The following BZW2 variants were observed in gnomAD, a reference collection of about 807,000 sequenced individuals.
BZW2 encodes eIF5-mimic protein 1.
BZW2 carries 23 observed loss-of-function variants against 53.2 expected under a neutral mutation model. The ratio of observed to expected loss-of-function variants is 0.43; its 90% confidence interval spans 0.31 to 0.61. The LOEUF (loss-of-function observed/expected upper bound fraction) is 0.61, where lower values mean the gene tolerates loss of function less well. Among genes scored for constraint, BZW2 ranks in the 20% least tolerant of loss-of-function variants. The pLI is 0.09. For missense variants in BZW2, 409 were observed against 503.1 expected, an observed-to-expected ratio of 0.81 and a Z score of 1.79; for synonymous variants, 227 against 186.4, an observed-to-expected ratio of 1.22 and a Z score of -1.77.
intron 3 of BZW2, among the ~76,000 whole-genome samples, chr7:16,678,290 C>G (rs1782829902): frequency 2.0e-5 from 3 of 151,900 alleles, no homozygotes; most frequent in Non-Finnish European, 4.4e-5. Flanking sequence ...CTCCTGACCT[C>G]AGGTGATCTG....
At chr7:16,701,413 T>A (rs1213036157) in intron 10 of BZW2, among the ~76,000 whole-genome samples, 1 of 152,134 alleles carries the variant, frequency 6.6e-6, no homozygotes, top group Non-Finnish European at 1.5e-5. Flanking sequence ...TGCATGCAAA[T>A]TTTTCTAAAA....
chr7:16,665,578 C>T (rs1782399012), intron 2 of BZW2, 77 bp downstream of exon 2: 2 of 1,563,108 alleles, frequency 1.3e-6, no homozygotes, highest in Non-Finnish European at 1.7e-6. Flanking sequence ...CTGAATGATC[C>T]CTGTTTCCCC....
intron 8 of BZW2, 104 bp from the exon 9 acceptor site, chr7:16,696,811 T>G: frequency 8.8e-7 from 1 of 1,141,892 alleles, no homozygotes; most frequent in South Asian, 1.4e-5. Flanking sequence ...CTAAGCAGAT[T>G]GTTTCTTAGC....
intron 1 of BZW2, among the ~76,000 whole-genome samples, chr7:16,655,968 G>C (rs893007147): frequency 5.3e-5 from 8 of 151,590 alleles, no homozygotes; most frequent in Non-Finnish European, 1.0e-4. Flanking sequence ...GTAAAAATAA[G>C]ATACTTTTCT....
At chr7:16,674,371 A>G (rs1307609571) in intron 2 of BZW2, 41 bp from the exon 3 acceptor site, 18 of 1,428,642 alleles carry the variant, frequency 1.3e-5, no homozygotes, top group Middle Eastern at 1.9e-4. Context: ...CTCAGTATTT[A>G]TTTATTTATT....
chr7:16,704,764 A>G, intron 11 of BZW2, 95 bp downstream of exon 11: 1 of 1,281,020 alleles, frequency 7.8e-7, no homozygotes, highest in Non-Finnish European at 1.0e-6. Flanking sequence ...TTGATTTTCT[A>G]AAACTAAAAT....
intron 1 of BZW2, among the ~76,000 whole-genome samples, chr7:16,656,559 A>ATG (rs1782129945): frequency 1.0e-5 from 1 of 96,210 alleles, no homozygotes; most frequent in African/African-American, 4.3e-5. Flanking sequence ...GCGCGCGCAC[A>ATG]CACACACACA....
intron 1 of BZW2, among the ~76,000 whole-genome samples, chr7:16,654,754 G>A (rs1359396855): frequency 1.3e-5 from 2 of 150,222 alleles, no homozygotes; most frequent in African/African-American, 4.9e-5. Context: ...GCCCAGGCTT[G>A]TCTCAAACTC....
At chr7:16,701,751 C>T (rs768152981) in intron 10 of BZW2, among the ~76,000 whole-genome samples, 23 of 152,134 alleles carry the variant, frequency 1.5e-4, no homozygotes, top group Non-Finnish European at 2.9e-4. Context: ...TGAATCGATA[C>T]TATAGGGCAG....
intron 1 of BZW2, among the ~76,000 whole-genome samples, chr7:16,663,109 A>G (rs1782316048): frequency 2.0e-5 from 3 of 152,234 alleles, no homozygotes; most frequent in Non-Finnish European, 4.4e-5. Context: ...GTGAATATAA[A>G]TGATGCATTA....
intron 2 of BZW2, among the ~76,000 whole-genome samples, chr7:16,667,453 G>C (rs1006180842): frequency 6.6e-6 from 1 of 152,204 alleles, no homozygotes; most frequent in Non-Finnish European, 1.5e-5. Context: ...CACATGTAAT[G>C]ATCTTGCAGG....
At chr7:16,699,204 G>C (rs1202943477) in intron 10 of BZW2, among the ~76,000 whole-genome samples, 1 of 152,176 alleles carries the variant, frequency 6.6e-6, no homozygotes, top group Non-Finnish European at 1.5e-5. Flanking sequence ...AGGAAAATAT[G>C]ATGGCCACCC....
chr7:16,676,474 G>C (rs1055095075), intron 3 of BZW2, among the ~76,000 whole-genome samples: 17 of 150,086 alleles, frequency 1.1e-4, no homozygotes, highest in African/African-American at 4.2e-4. Context: ...CTTGAATCCA[G>C]GAAGTGGAGG....
intron 3 of BZW2, among the ~76,000 whole-genome samples, chr7:16,675,307 G>T (rs1231408161): frequency 6.6e-6 from 1 of 152,152 alleles, no homozygotes; most frequent in African/African-American, 2.4e-5. Flanking sequence ...GGAATTTTCA[G>T]TTTGCAAATG....
chr7:16,693,883 A>T (rs1783398185), intron 7 of BZW2, among the ~76,000 whole-genome samples: 1 of 152,232 alleles, frequency 6.6e-6, no homozygotes, highest in South Asian at 2.1e-4. Context: ...GAATCCTGAC[A>T]TAGGAGCCCT....
intron 3 of BZW2, among the ~76,000 whole-genome samples, chr7:16,677,936 G>T (rs1315747252): frequency 6.6e-6 from 1 of 152,028 alleles, no homozygotes; most frequent in African/African-American, 2.4e-5. Context: ...AAACGTTTTG[G>T]TATAAGCTAT....
At chr7:16,686,284 C>T in intron 6 of BZW2, 1 of 443,776 alleles carries the variant, frequency 2.3e-6, no homozygotes, top group South Asian at 2.8e-5. Flanking sequence ...AGACTAATAG[C>T]AAATTAAAAT....
chr7:16,694,283 C>T (rs1379228858), intron 7 of BZW2, among the ~76,000 whole-genome samples: 1 of 152,092 alleles, frequency 6.6e-6, no homozygotes, highest in East Asian at 1.9e-4. Flanking sequence ...TAACAGAATA[C>T]CTGAAACTGG....
chr7:16,665,171 T>C (rs1394473682), intron 1 of BZW2, among the ~76,000 whole-genome samples: 1 of 152,124 alleles, frequency 6.6e-6, no homozygotes, highest in African/African-American at 2.4e-5. Context: ...CTGGGCGTGG[T>C]GGCTCACGCT....
Sources: gnomAD v4.1 joint callset for allele counts (sites outside exome capture counted in the v4.1 genomes callset) on GRCh38, gnomAD v4.1.1 for gene constraint, MANE v1.5 for transcripts, NCBI Gene and HGNC (gene_info 2026-07-23, HGNC 2026-07-21) for gene names.